NDUFAF5: variants seen among roughly 807,000 people sequenced by gnomAD.
NDUFAF5 encodes the protein arginine-hydroxylase NDUFAF5, mitochondrial.
Under a neutral mutation model 48.9 loss-of-function variants are expected in NDUFAF5, and 34 were observed. That is an observed-to-expected ratio of 0.70 (90% CI 0.53 to 0.93). The LOEUF (loss-of-function observed/expected upper bound fraction) is 0.93, where lower values mean the gene tolerates loss of function less well. NDUFAF5 is among the 40% of genes least tolerant of loss of function. The pLI is 0.00. For synonymous variants in NDUFAF5, 153 were observed against 150.6 expected (o/e 1.02, Z -0.12); for missense variants, 428 against 427.5 (o/e 1.00, Z -0.01).
chr20:13,798,371 C>A lies in NDUFAF5; in HGVS notation c.480-90C>A. 3.2e-6 allele frequency: 3 copies of A among 934,464 alleles called. No individual in the cohort carries two copies. In the Middle Eastern group the frequency reaches 6.4e-4, roughly 200 times the overall value. The allele number at this position is 934,464 out of a possible 1,614,324, so 57.9% of individuals were successfully genotyped here. The stretch of plus-strand genomic sequence containing the variant: ...GCAGTTTTAAACTTCAAAATTAACA[C>A]CTTTTTATGGGTTATCATTAACCTG... On this transcript the variant is annotated intron_variant, in intron 5 of 10. Coordinates refer to ENST00000378106, the MANE Select transcript of NDUFAF5 (RefSeq NM_024120.5).
chr20:13,787,065 A>ATGTG lies in NDUFAF5; in HGVS notation c.223-231_223-228dup, dbSNP rs71188187. ...TGGAATGTAAAGGCCACATATATAT[A>ATGTG]TGTGTGTGTGTGTGTGTGTATATGT... On this transcript the variant is annotated intron_variant, in intron 1 of 10. Coordinates refer to ENST00000378106, the MANE Select transcript of NDUFAF5 (RefSeq NM_024120.5). 357 of 508,256 alleles carry ATGTG rather than the reference A, an allele frequency of 7.0e-4. 1 individual carries two copies. The highest frequency in any genetic ancestry group is 2.2e-3 in the African/African-American group (112 of 51,230). 31.5% of individuals were successfully genotyped at this position (508,256 alleles called of 1,614,324 possible). A position where few individuals can be genotyped will look rare whatever the true frequency, so the allele number is the denominator to read the frequency against.
Position 13,800,208 on chromosome 20 carries a change from G to A in NDUFAF5, c.520-1278G>A, listed in dbSNP as rs139924619. Among the ~76,000 whole-genome samples, 12 of 152,194 alleles carry A rather than the reference G, an allele frequency of 7.9e-5. No homozygotes were observed. The East Asian group carries it at 9.7e-4, about 12-fold the overall frequency. On this transcript the variant is annotated intron_variant, in intron 6 of 10. Coordinates refer to ENST00000378106, the MANE Select transcript of NDUFAF5 (RefSeq NM_024120.5). ...GTTGATAAGCTGTCTGAGGGAGAGC[G>A]GGGAGCTGCAGAATTCTGAGAACTA...
intron 5 of NDUFAF5, among the ~76,000 whole-genome samples, chr20:13,795,566 C>T (rs1401201592): frequency 6.6e-6 from 1 of 152,020 alleles, no homozygotes; most frequent in Non-Finnish European, 1.5e-5. Context: ...CACCAGCAAT[C>T]CCAACACTTT....
chr20:13,801,307 T>A (rs1391315955), intron 6 of NDUFAF5, among the ~76,000 whole-genome samples, 179 bp from the exon 7 acceptor site: 1 of 152,100 alleles, frequency 6.6e-6, no homozygotes, highest in Non-Finnish European at 1.5e-5. Flanking sequence ...AAGTATATTA[T>A]GCATCATGAT....
In NDUFAF5 at chr20:13,792,926, C is replaced by G. The variant is rs60914078; in HGVS notation, c.328-254C>G. 0.45 allele frequency among the ~76,000 whole-genome samples: 67,794 copies of G among 151,970 alleles called. 15,446 individuals are homozygous for G. The highest frequency in any genetic ancestry group is 0.53 in the Middle Eastern group (156 of 294). On this transcript the variant is annotated intron_variant, in intron 3 of 10. Transcript: ENST00000378106. ...ATGTTATGCCATGGAAAAGTTAACA[C>G]GGAAGCCCTCACCCAGTGTAGTAAA... is the stretch of plus-strand genomic sequence containing the variant.
intron 6 of NDUFAF5, among the ~76,000 whole-genome samples, chr20:13,800,941 G>A (rs534246685): frequency 1.6e-4 from 24 of 152,276 alleles, no homozygotes; most frequent in African/African-American, 5.5e-4. Context: ...TCGTGGCTGG[G>A]CTGGGCTCCA....
Position 13,788,481 on chromosome 20 carries a change from A to G in NDUFAF5, c.264-108A>G, listed in dbSNP as rs6042362. 627,689 of 822,742 alleles carry G rather than the reference A, an allele frequency of 0.76. 240,850 individuals are homozygous for G. The highest frequency in any genetic ancestry group is 0.88 in the East Asian group (32,866 of 37,260). 51.0% of individuals were successfully genotyped at this position (822,742 alleles called of 1,614,324 possible). A position where few individuals can be genotyped will look rare whatever the true frequency, so the allele number is the denominator to read the frequency against. On this transcript the variant is annotated intron_variant, in intron 2 of 10. Transcript: ENST00000378106. The stretch of plus-strand genomic sequence containing the variant: ...TGAGGCTGAAAAGGCAGATGATGTA[A>G]CCTTCTGGAAGTTGTGTTTACTGGA...
chr20:13,793,477 A>T (rs1352731649), intron 4 of NDUFAF5, among the ~76,000 whole-genome samples: 1 of 151,824 alleles, frequency 6.6e-6, no homozygotes, highest in Non-Finnish European at 1.5e-5. Flanking sequence ...CCCAACACAC[A>T]ACTGTGTATG....
At chr20:13,808,953 A>C (rs775148306) in intron 8 of NDUFAF5, 51 bp downstream of exon 8, 1 of 1,295,638 alleles carries the variant, frequency 7.7e-7, no homozygotes, top group African/African-American at 1.5e-5. Flanking sequence ...GTAGGCCAAA[A>C]AAAAAGAATT....
chr20:13,796,769 A>G (rs1346630736), intron 5 of NDUFAF5, among the ~76,000 whole-genome samples: 1 of 152,228 alleles, frequency 6.6e-6, no homozygotes, highest in Non-Finnish European at 1.5e-5. Context: ...ACTTGAGGCC[A>G]GGAGTTCAAG....
chr20:13,786,478 AATAAG>A (rs1374047136), intron 1 of NDUFAF5, among the ~76,000 whole-genome samples: 3 of 152,150 alleles, frequency 2.0e-5, no homozygotes, highest in African/African-American at 7.2e-5. Context: ...GACTAGAACA[AATAAG>A]ATAAAGTATA....
rs1316505418 is a variant in NDUFAF5, at chr20:13,801,508, A to T, written c.542A>T (p.Asp181Val). 2.5e-6 allele frequency: 4 copies of T among 1,612,528 alleles called. No homozygotes were observed. Among genetic ancestry groups the T allele is most frequent in the Non-Finnish European group, 3.4e-6 (4 of 1,178,958 alleles). ...CAGATTCATTATATTTTAAAACCAG[A>T]TGGAGTGTTTATCGGTGCAATGTTT... ...LEQIHYILKP[D>V]GVFIGAMFGG... Residue 181 changes from aspartate to valine, a missense_variant, in exon 7 of 11, where the codon GAT (aspartate) becomes GTT (valine). Transcript: ENST00000378106.
At position 13,808,826 on chromosome 20, in the gene NDUFAF5, T is replaced by G; in HGVS notation, c.718-16T>G. 6.6e-7 allele frequency: 1 copy of G among 1,514,124 alleles called. No homozygotes were observed. The highest frequency in any genetic ancestry group is 9.2e-7 in the Non-Finnish European group (1 of 1,090,114). The allele number at this position is 1,514,124 out of a possible 1,614,324, so 93.8% of individuals were successfully genotyped here. A position where few individuals can be genotyped will look rare whatever the true frequency, so the allele number is the denominator to read the frequency against. On this transcript the variant is annotated splice_polypyrimidine_tract_variant and intron_variant, in intron 7 of 10. Transcript: ENST00000378106. Reference sequence around the variant, plus strand: ...TCATGAATGTCAAATGAATATTTCTTTTTCTTTTTAAATAGGACACTGATG... The same window carrying G: ...TCATGAATGTCAAATGAATATTTCTGTTTCTTTTTAAATAGGACACTGATG...
rs754474412 is a variant in NDUFAF5 at position 13,785,059 on chromosome 20, G to C, written c.-10G>C. On this transcript the variant is annotated 5_prime_UTR_variant, in exon 1 of 11. Transcript: ENST00000378106. ...ACAAAAAGCGCCGGCAATTGGGGTC[G>C]CAGCTGGAGATGCTGCGGCCGGCAG... The C allele has an allele frequency of 1.4e-5, 23 of 1,607,428 alleles. No homozygotes were observed. Among genetic ancestry groups the C allele is most frequent in the Non-Finnish European group, 1.9e-5 (22 of 1,178,176 alleles).
intron 8 of NDUFAF5, among the ~76,000 whole-genome samples, chr20:13,810,680 G>C (rs530672618): frequency 2.6e-5 from 4 of 151,982 alleles, no homozygotes; most frequent in African/African-American, 7.2e-5. Flanking sequence ...TTTCCTAGAA[G>C]AGGTGACTCT....
intron 1 of NDUFAF5, 96 bp from the exon 2 acceptor site, chr20:13,787,216 A>G (rs1981328310): frequency 7.6e-7 from 1 of 1,308,298 alleles, no homozygotes. Flanking sequence ...GATAAAGGGA[A>G]GTACTTATTT....
chr20:13,808,473 G>C (rs1278074864), intron 7 of NDUFAF5, among the ~76,000 whole-genome samples: 1 of 152,074 alleles, frequency 6.6e-6, no homozygotes, highest in African/African-American at 2.4e-5. Flanking sequence ...TATTGACACT[G>C]TCCAGGGACA....
At position 13,794,018 on chromosome 20, in the gene NDUFAF5, A is replaced by C. The variant is rs553914258; in HGVS notation, c.375+791A>C. Reference sequence around the variant, plus strand: ...CTATCTTGTGTTTTTATTCTAGGTGATTTGTAAGAGCTTGGTTTTTAGGGA... The same window carrying C: ...CTATCTTGTGTTTTTATTCTAGGTGCTTTGTAAGAGCTTGGTTTTTAGGGA... On this transcript the variant is annotated intron_variant, in intron 4 of 10. Coordinates refer to ENST00000378106, the MANE Select transcript of NDUFAF5 (RefSeq NM_024120.5). 5.3e-5 allele frequency among the ~76,000 whole-genome samples: 8 copies of C among 152,206 alleles called. No homozygotes were observed. In the South Asian group the frequency reaches 1.7e-3, roughly 32 times the overall value.
chr20:13,818,650 TCCA>T lies in NDUFAF5; in HGVS notation c.*1444_*1446del, dbSNP rs1423725327. ...AGAGGAGACCTCATCTAAAGAAAAA[TCCA>T]CCAAAAACCCTGTGTTTTAAAGTGC... On this transcript the variant is annotated 3_prime_UTR_variant, in exon 11 of 11. Transcript: ENST00000378106. 1 of 175,364 alleles carries T rather than the reference TCCA, an allele frequency of 5.7e-6. No individual in the cohort carries two copies. The highest frequency in any genetic ancestry group is 1.2e-5 in the Non-Finnish European group (1 of 81,718). 10.9% of individuals were successfully genotyped at this position (175,364 alleles called of 1,614,324 possible).
Sources: gnomAD v4.1 joint callset for allele counts (sites outside exome capture counted in the v4.1 genomes callset) on GRCh38, gnomAD v4.1.1 for gene constraint, MANE v1.5 for transcripts, NCBI Gene and HGNC (gene_info 2026-07-23, HGNC 2026-07-21) for gene names.